Variants in NAALADL2 observed in about 807,000 individuals in gnomAD.
NAALADL2 encodes inactive N-acetylated-alpha-linked acidic dipeptidase-like protein 2.
A neutral mutation model predicts 87.2 loss-of-function variants in NAALADL2; 76 were observed. The observed-to-expected ratio is 0.87, with a 90% confidence interval of 0.72 to 1.05. NAALADL2 has a LOEUF of 1.05. Ranked by LOEUF, NAALADL2 falls within the 50% of genes least tolerant of loss-of-function variation. The pLI is 0.00. For synonymous variants in NAALADL2, 354 were observed against 331.0 expected (o/e 1.07, Z -0.75); for missense variants, 1,089 against 945.8 (o/e 1.15, Z -1.99).
intron 1 of NAALADL2, among the ~76,000 whole-genome samples, chr3:174,875,112 C>CAAAAA (rs10547300): frequency 1.2e-4 from 5 of 41,534 alleles, no homozygotes; most frequent in Admixed American, 4.7e-4. Context: ...GACCCTGTCT[C>CAAAAA]AAAAAAAAAA....
intron 1 of NAALADL2, among the ~76,000 whole-genome samples, chr3:175,091,375 C>G (rs1343016614): frequency 6.6e-6 from 1 of 152,036 alleles, no homozygotes; most frequent in Admixed American, 6.6e-5. Flanking sequence ...CTTCAGGAAA[C>G]ACTATATGAA....
intron 3 of NAALADL2, among the ~76,000 whole-genome samples, chr3:174,776,588 A>T (rs1288179607): frequency 1.3e-5 from 2 of 152,166 alleles, no homozygotes; most frequent in Admixed American, 1.3e-4. Context: ...GAAATTTGCC[A>T]CTTAGAAAAC....
At chr3:175,144,547 C>T (rs533250749) in intron 2 of NAALADL2, among the ~76,000 whole-genome samples, 68 of 151,938 alleles carry the variant, frequency 4.5e-4, no homozygotes, top group Middle Eastern at 3.4e-3. Context: ...CTTATGATTG[C>T]GCAATCCAGA....
intron 1 of NAALADL2, among the ~76,000 whole-genome samples, chr3:174,948,560 A>G (rs1364204365): frequency 6.6e-6 from 1 of 152,172 alleles, no homozygotes; most frequent in East Asian, 1.9e-4. Context: ...GACTATTACT[A>G]CTTAACCAAT....
intron 9 of NAALADL2, among the ~76,000 whole-genome samples, chr3:175,492,731 A>G (rs1368805278): frequency 6.6e-6 from 1 of 152,138 alleles, no homozygotes; most frequent in Non-Finnish European, 1.5e-5. Context: ...ATACGTAAAC[A>G]TCTGTATAGG....
At chr3:175,675,295 C>T (rs1316938191) in intron 11 of NAALADL2, 1 of 152,232 alleles carries the variant, frequency 6.6e-6, no homozygotes, top group Non-Finnish European at 1.5e-5. Context: ...TAATTTGCTA[C>T]ATCATATGAC....
chr3:175,275,755 CA>C (rs1753500894), intron 4 of NAALADL2, among the ~76,000 whole-genome samples: 1 of 151,878 alleles, frequency 6.6e-6, no homozygotes, highest in Admixed American at 6.6e-5. Context: ...ATGCAAAGAA[CA>C]AATAGGGTAA....
intron 3 of NAALADL2, among the ~76,000 whole-genome samples, chr3:174,823,595 G>T (rs890682513): frequency 6.6e-6 from 1 of 152,186 alleles, no homozygotes; most frequent in African/African-American, 2.4e-5. Flanking sequence ...ACAAGAGTAT[G>T]CTCTTTAGTG....
chr3:175,557,983 A>G (rs1207433936), intron 9 of NAALADL2, among the ~76,000 whole-genome samples: 1 of 152,028 alleles, frequency 6.6e-6, no homozygotes, highest in Non-Finnish European at 1.5e-5. Context: ...TCACGAGGTC[A>G]GGAAATCGAG....
chr3:175,115,506 A>G (rs919512110), intron 2 of NAALADL2, among the ~76,000 whole-genome samples: 1 of 150,160 alleles, frequency 6.7e-6, no homozygotes, highest in African/African-American at 2.5e-5. Context: ...GATAACGTGT[A>G]TCCTAATAAT....
chr3:175,037,333 A>C (rs1241369525), intron 1 of NAALADL2, among the ~76,000 whole-genome samples: 1 of 152,064 alleles, frequency 6.6e-6, no homozygotes, highest in African/African-American at 2.4e-5. Context: ...GCTGTACCCT[A>C]GAAGAAGGGT....
intron 5 of NAALADL2, among the ~76,000 whole-genome samples, chr3:175,356,151 G>A (rs149786934): frequency 5.8e-4 from 89 of 152,216 alleles, no homozygotes; most frequent in East Asian, 3.9e-3. Context: ...GCACCAAGCC[G>A]GGGGTAAGAG....
chr3:175,165,958 C>A (rs1580760742), intron 2 of NAALADL2, among the ~76,000 whole-genome samples: 1 of 151,720 alleles, frequency 6.6e-6, no homozygotes, highest in South Asian at 2.1e-4. Context: ...GTGGACTTTG[C>A]CACCGGCCTC....
chr3:174,498,500 G>A (rs552073467), intron 1 of NAALADL2, among the ~76,000 whole-genome samples: 3 of 151,536 alleles, frequency 2.0e-5, no homozygotes, highest in South Asian at 2.1e-4. Context: ...AAGCTGCTAC[G>A]AACATTCATG....
chr3:174,751,612 G>A (rs1734827378), intron 3 of NAALADL2, among the ~76,000 whole-genome samples: 1 of 146,134 alleles, frequency 6.8e-6, no homozygotes, highest in Non-Finnish European at 1.5e-5. Flanking sequence ...GCAGTGAGCC[G>A]AGATCGTGCC....
chr3:174,524,564 T>C (rs1457184154), intron 1 of NAALADL2, among the ~76,000 whole-genome samples: 1 of 152,078 alleles, frequency 6.6e-6, no homozygotes, highest in Non-Finnish European at 1.5e-5. Context: ...TGTTTTTTTG[T>C]GACAGAGTCC....
chr3:174,865,749 A>G (rs1193689929), intron 1 of NAALADL2, among the ~76,000 whole-genome samples: 1 of 151,920 alleles, frequency 6.6e-6, no homozygotes, highest in Non-Finnish European at 1.5e-5. Flanking sequence ...AAGAGAGATG[A>G]TTTGAAATTT....
intron 12 of NAALADL2, among the ~76,000 whole-genome samples, chr3:175,742,643 C>T (rs765109869): frequency 6.6e-5 from 10 of 152,132 alleles, no homozygotes; most frequent in Non-Finnish European, 1.2e-4. Context: ...ATGATCCGCC[C>T]GCCTTGGCCT....
chr3:175,338,615 CA>C (rs1180063701), intron 5 of NAALADL2, among the ~76,000 whole-genome samples: 2 of 33,820 alleles, frequency 5.9e-5, no homozygotes, highest in South Asian at 1.2e-3. Context: ...AAAAAAAAAA[CA>C]CCACAAACAC....
Sources: allele counts gnomAD v4.1 joint callset (sites outside exome capture counted in the v4.1 genomes callset), GRCh38; gene constraint gnomAD v4.1.1; transcripts MANE v1.5; gene names NCBI Gene and HGNC (gene_info 2026-07-23, HGNC 2026-07-21).